Variants in PAK1 observed in about 807,000 individuals in gnomAD.
PAK1 encodes serine/threonine-protein kinase PAK 1.
Under a neutral mutation model 67.4 loss-of-function variants are expected in PAK1, and 29 were observed. That is an observed-to-expected ratio of 0.43 (90% confidence interval 0.32 to 0.59). The LOEUF (loss-of-function observed/expected upper bound fraction) is 0.59, where lower values mean the gene tolerates loss of function less well. Among genes scored for constraint, PAK1 ranks in the 20% least tolerant of loss-of-function variants. The pLI, the probability that PAK1 is intolerant of heterozygous loss-of-function variation, is 0.07. For synonymous variants in PAK1, 223 were observed against 237.4 expected (o/e 0.94, Z 0.56); for missense variants, 337 against 670.7 (o/e 0.50, Z 5.50).
chr11:77,336,291 GA>G lies in PAK1; in HGVS notation c.1217-10del, dbSNP rs1170102881. 1.9e-6 allele frequency: 3 copies of G among 1,591,262 alleles called. No homozygotes were observed. The highest frequency in any genetic ancestry group is 2.6e-6 in the Non-Finnish European group (3 of 1,161,898). The stretch of plus-strand genomic sequence containing the variant: ...ACAGAATCCAAAGTCAGCTAGAAAA[GA>G]AAAATAAGAGAAAGAACATACATTT... On this transcript the variant is annotated splice_polypyrimidine_tract_variant and intron_variant, in intron 12 of 14. Transcript: ENST00000356341.
intron 14 of PAK1, among the ~76,000 whole-genome samples, chr11:77,326,608 C>G (rs1286008234): frequency 1.3e-5 from 2 of 152,152 alleles, no homozygotes; most frequent in Non-Finnish European, 2.9e-5. Context: ...TCAGCAGAAC[C>G]TGGGGAGGTT....
the PAK1 span, among the ~76,000 whole-genome samples, chr11:77,481,880 A>T: frequency 1.3e-5 from 2 of 152,098 alleles, no homozygotes; most frequent in Non-Finnish European, 2.9e-5. Context: ...ATATCTCTAG[A>T]GCTTGGAACA....
chr11:77,445,817 C>A (rs957637216), intron 1 of PAK1, among the ~76,000 whole-genome samples: 1 of 152,196 alleles, frequency 6.6e-6, no homozygotes, highest in African/African-American at 2.4e-5. Context: ...TCTTCTTCAA[C>A]TTACAGATAC....
At chr11:77,324,009 G>A (rs1240530958) in intron 14 of PAK1, among the ~76,000 whole-genome samples, 2 of 152,092 alleles carry the variant, frequency 1.3e-5, no homozygotes, top group African/African-American at 4.8e-5. Flanking sequence ...ATCCAATAAT[G>A]CTAATCATTC....
chr11:77,447,330 G>A (rs1264027757), intron 1 of PAK1, among the ~76,000 whole-genome samples: 1 of 151,986 alleles, frequency 6.6e-6, no homozygotes, highest in Non-Finnish European at 1.5e-5. Context: ...CTATAGCTCT[G>A]AAAGGTAGGT....
At chr11:77,372,210 T>G (rs1460216876) in intron 5 of PAK1, among the ~76,000 whole-genome samples, 1 of 152,258 alleles carries the variant, frequency 6.6e-6, no homozygotes, top group Non-Finnish European at 1.5e-5. Flanking sequence ...ACAATTCGGC[T>G]TAAAGCCTCT....
chr11:77,329,178 G>A (rs1940820417), intron 14 of PAK1: 1 of 152,346 alleles, frequency 6.6e-6, no homozygotes, highest in African/African-American at 2.4e-5. Context: ...GGACCAGATG[G>A]ATTCACAGCC....
At chr11:77,509,559 T>G in the PAK1 span, among the ~76,000 whole-genome samples, 1 of 152,160 alleles carries the variant, frequency 6.6e-6, no homozygotes, top group Non-Finnish European at 1.5e-5. Flanking sequence ...TAACTGGTGA[T>G]ATAGTTTGGA....
chr11:77,341,780 G>A (rs73501418), intron 10 of PAK1, among the ~76,000 whole-genome samples: 6,320 of 152,272 alleles, frequency 0.042, 465 homozygotes, highest in African/African-American at 0.14. Flanking sequence ...AATACTGCTG[G>A]ACAGATGTGG....
chr11:77,461,776 A>G (rs527304939), intron 1 of PAK1, among the ~76,000 whole-genome samples: 1 of 152,344 alleles, frequency 6.6e-6, no homozygotes, highest in East Asian at 1.9e-4. Context: ...TTAATGGAAC[A>G]AAGTCACATT....
At chr11:77,494,422 A>G in the PAK1 span, among the ~76,000 whole-genome samples, 1 of 152,108 alleles carries the variant, frequency 6.6e-6, no homozygotes, top group East Asian at 1.9e-4. Flanking sequence ...CTTTAGACAA[A>G]GAGTCTTGTT....
intron 1 of PAK1, among the ~76,000 whole-genome samples, chr11:77,400,456 T>C (rs1051199804): frequency 1.2e-4 from 18 of 151,832 alleles, no homozygotes; most frequent in African/African-American, 4.4e-4. Context: ...GAGATGACAA[T>C]GAGAAAAGAG....
Position 77,355,455 on chromosome 11 carries a change from C to T in PAK1, c.772+213G>A, listed in dbSNP as rs185624291. On this transcript the variant is annotated intron_variant, in intron 7 of 14. Transcript: ENST00000356341. ...TGCCCTGCCCTCAAAGTAAGCTATC[C>T]ACACTCTCACCACATCTCCATCCTA... 3.0e-4 allele frequency among the ~76,000 whole-genome samples: 45 copies of T among 152,192 alleles called. 1 individual carries two copies. The highest frequency in any genetic ancestry group is 2.9e-3 in the Admixed American group (45 of 15,282).
intron 11 of PAK1, 105 bp downstream of exon 11, chr11:77,340,541 C>T (rs1943442308): frequency 1.4e-6 from 1 of 724,636 alleles, no homozygotes; most frequent in Non-Finnish European, 2.6e-6. Flanking sequence ...CTAATTTCTA[C>T]CAATTCCACA....
At chr11:77,427,025 G>A (rs188365655) in intron 1 of PAK1, among the ~76,000 whole-genome samples, 2 of 152,240 alleles carry the variant, frequency 1.3e-5, no homozygotes, top group East Asian at 3.9e-4. Flanking sequence ...GGTTGGTAGT[G>A]GGATCTAAAG....
At chr11:77,356,834 G>A (rs1946098794) in intron 6 of PAK1, among the ~76,000 whole-genome samples, 1 of 152,134 alleles carries the variant, frequency 6.6e-6, no homozygotes, top group Non-Finnish European at 1.5e-5. Flanking sequence ...AGTGATACAT[G>A]TTATAAAGAA....
chr11:77,372,299 G>A (rs976728064), intron 5 of PAK1, among the ~76,000 whole-genome samples: 1 of 152,150 alleles, frequency 6.6e-6, no homozygotes, highest in African/African-American at 2.4e-5. Flanking sequence ...TCTATTTGAT[G>A]AAAGGCAGCA....
At chr11:77,491,146 A>T in the PAK1 span, among the ~76,000 whole-genome samples, 1 of 152,002 alleles carries the variant, frequency 6.6e-6, no homozygotes, top group East Asian at 1.9e-4. Context: ...AGAAAAAAAA[A>T]ATTAAAGAGA....
intron 1 of PAK1, among the ~76,000 whole-genome samples, chr11:77,411,330 C>T (rs1316086567): frequency 1.3e-5 from 2 of 152,022 alleles, no homozygotes; most frequent in East Asian, 3.9e-4. Flanking sequence ...GCAACTCAAG[C>T]CACAGAGGAT....
Sources: gnomAD v4.1 joint callset for allele counts (sites outside exome capture counted in the v4.1 genomes callset) on GRCh38, gnomAD v4.1.1 for gene constraint, MANE v1.5 for transcripts, NCBI Gene and HGNC (gene_info 2026-07-23, HGNC 2026-07-21) for gene names.